The following ZNF385C variants were observed in gnomAD, a reference collection of about 807,000 sequenced individuals.
ZNF385C encodes zinc finger protein 385C, also known as CTD-2132N18.2.
ZNF385C carries 28 observed loss-of-function variants against 35.4 expected under a neutral mutation model. That is an observed-to-expected ratio of 0.79 (90% confidence interval 0.59 to 1.08). ZNF385C has a LOEUF of 1.08. ZNF385C is among the 50% of genes least tolerant of loss of function. ZNF385C has a pLI of 0.00. For missense variants in ZNF385C, 605 were observed against 595.6 expected, an observed-to-expected ratio of 1.02 and a Z score of -0.16; for synonymous variants, 248 against 248.2, an observed-to-expected ratio of 1.00 and a Z score of 0.01.
chr17:42,032,269 C>T (rs1316220791), intron 4 of ZNF385C, among the ~76,000 whole-genome samples: 1 of 152,228 alleles, frequency 6.6e-6, no homozygotes, highest in Non-Finnish European at 1.5e-5. Context: ...ACCATATTAG[C>T]CAGGATGGTC....
intron 1 of ZNF385C, among the ~76,000 whole-genome samples, chr17:42,068,040 T>C (rs2053573019): frequency 6.6e-6 from 1 of 152,002 alleles, no homozygotes; most frequent in African/African-American, 2.4e-5. Context: ...CTAATTGTGT[T>C]CCCCCCAGCC....
At chr17:42,097,306 C>A (rs782333829) in intron 1 of ZNF385C, among the ~76,000 whole-genome samples, 7 of 152,202 alleles carry the variant, frequency 4.6e-5, no homozygotes, top group South Asian at 2.1e-4. Context: ...CACTAGAGCA[C>A]ATGGCCTCCC....
Position 42,095,367 on chromosome 17 carries a change from C to T in ZNF385C, c.-3+3043G>A, listed in dbSNP as rs1487188058. Among the ~76,000 whole-genome samples the T allele has an allele frequency of 6.6e-6, 1 of 152,234 alleles. No homozygotes were observed. Among genetic ancestry groups the T allele is most frequent in the African/African-American group, 2.4e-5 (1 of 41,452 alleles). On this transcript the variant is annotated intron_variant, in intron 1 of 8. Coordinates refer to ENST00000692273, the MANE Select transcript of ZNF385C (RefSeq NM_001392013.1). The surrounding 1 kb of genome is among the most constrained non-coding windows in gnomAD (Gnocchi z 4.4). ...CTGTCCCAAGCCCAAACTCCAAACT[C>T]ATGGGAGAACCCACATGATAGACAC...
chr17:42,044,757 T>G (rs2053114718), intron 2 of ZNF385C, among the ~76,000 whole-genome samples: 1 of 152,174 alleles, frequency 6.6e-6, no homozygotes, highest in Non-Finnish European at 1.5e-5. Context: ...GGTACTGTGG[T>G]TCTGGGATGG....
rs1025011791 is a variant in ZNF385C at position 42,029,029 on chromosome 17, T to C, written c.721A>G (p.Thr241Ala). ...PLGPPLQPPPTPDPTCREPAH... is the reference protein window; with the variant it reads ...PLGPPLQPPPAPDPTCREPAH... ...GGCTCCCTGCATGTAGGGTCTGGAG[T>C]TGGTGGTGGCTGGAGTGGAGGCCCA... Residue 241 changes from threonine (T) to alanine (A), a missense_variant, in exon 6 of 9, where the codon ACT becomes GCT. Physicochemically the swap from Thr to Ala is moderately conservative, Grantham distance 58 (BLOSUM62 0). Coordinates refer to ENST00000692273, the MANE Select transcript of ZNF385C (RefSeq NM_001392013.1). 1.8e-5 allele frequency: 28 copies of C among 1,549,714 alleles called. No homozygotes were observed. In the African/African-American group the frequency reaches 3.8e-4, roughly 21 times the overall value.
intron 2 of ZNF385C, among the ~76,000 whole-genome samples, chr17:42,057,432 G>A (rs372148937): frequency 9.2e-5 from 14 of 152,206 alleles, no homozygotes; most frequent in East Asian, 3.9e-4. Flanking sequence ...AGGTTAGTGC[G>A]AGGGGACAGC....
At chr17:42,096,500 G>A (rs1405254830) in intron 1 of ZNF385C, among the ~76,000 whole-genome samples, 1 of 152,204 alleles carries the variant, frequency 6.6e-6, no homozygotes, top group African/African-American at 2.4e-5. Flanking sequence ...AGGTTTAAGG[G>A]TGCTACTGAA....
At chr17:42,078,099 C>G (rs1292567932) in intron 1 of ZNF385C, among the ~76,000 whole-genome samples, 1 of 152,190 alleles carries the variant, frequency 6.6e-6, no homozygotes, top group African/African-American at 2.4e-5. Flanking sequence ...ATGAGACAGG[C>G]ACTGGGAACA....
At chr17:42,072,681 GC>G (rs1253323830) in intron 1 of ZNF385C, among the ~76,000 whole-genome samples, 1 of 152,070 alleles carries the variant, frequency 6.6e-6, no homozygotes, top group East Asian at 1.9e-4. Flanking sequence ...CTCCGAGCCC[GC>G]CCCCGGGCGG....
At chr17:42,078,917 C>T (rs988518913) in intron 1 of ZNF385C, among the ~76,000 whole-genome samples, 1 of 152,112 alleles carries the variant, frequency 6.6e-6, no homozygotes, top group Non-Finnish European at 1.5e-5. Context: ...CGCCACTAAT[C>T]GTGTGACTGG....
intron 8 of ZNF385C, 64 bp downstream of exon 8, chr17:42,027,554 G>GGCCCCCCCCCCCCCCCCC: frequency 6.6e-5 from 37 of 556,860 alleles, no homozygotes; most frequent in East Asian, 2.1e-4. Flanking sequence ...CCCCCATCTG[G>GGCCCCCCCCCCCCCCCCC]CCCTCCCAGC....
rs1049879098 is a variant in ZNF385C at position 42,031,899 on chromosome 17, A to C, written c.511-115T>G. 36 of 1,183,130 alleles carry C rather than the reference A, an allele frequency of 3.0e-5. No individual in the cohort carries two copies. The Admixed American group carries it at 8.4e-4, about 28-fold the overall frequency. 73.3% of individuals were successfully genotyped at this position (1,183,130 alleles called of 1,614,324 possible). ...AGGGAGGCAGGGCTCAGGTCACACA[A>C]AGGGCAAGTCCTTGTCCTTGTCATC... On this transcript the variant is annotated intron_variant, in intron 4 of 8. Transcript: ENST00000692273.
At chr17:42,040,232 C>T in intron 2 of ZNF385C, 2 of 1,231,568 alleles carry the variant, frequency 1.6e-6, no homozygotes, top group Non-Finnish European at 2.0e-6. Flanking sequence ...TCCTGTAGGC[C>T]CTTCCGCATG....
At chr17:42,056,324 G>A (rs1216086209) in intron 2 of ZNF385C, among the ~76,000 whole-genome samples, 3 of 152,212 alleles carry the variant, frequency 2.0e-5, no homozygotes, top group Non-Finnish European at 4.4e-5. Context: ...CATGGGTCCC[G>A]AGCATTTGTG....
At chr17:42,040,015 C>T (rs1598184342) in intron 2 of ZNF385C, 3 of 1,231,038 alleles carry the variant, frequency 2.4e-6, no homozygotes, top group East Asian at 3.2e-5. Flanking sequence ...CGGGCCGAGC[C>T]GCCCAAGGCC....
At chr17:42,065,107 C>T (rs1378372198) in intron 1 of ZNF385C, 4 of 152,184 alleles carry the variant, frequency 2.6e-5, no homozygotes, top group Non-Finnish European at 5.9e-5. Flanking sequence ...TCACCTCAGC[C>T]TCCCAAAGCG....
Position 42,037,869 on chromosome 17 carries a change from G to C in ZNF385C, c.267C>G (p.Gly89=). ...GGGAGGCCAGCAGGGGGCTGGGGGC[G>C]CCGGAGGCCGGGCCTGCTGCAGGAG... ...SPSGPAGPAS[G]APSPLLASLP... is the part of the protein sequence containing the mutation. The change falls in exon 3 of 9, where the codon GGC becomes GGG. Residue 89 remains glycine (G), a synonymous_variant. Transcript: ENST00000692273. 1.3e-6 allele frequency: 2 copies of C among 1,521,420 alleles called. No homozygotes were observed. Among genetic ancestry groups the C allele is most frequent in the Non-Finnish European group, 1.8e-6 (2 of 1,131,316 alleles). 94.2% of individuals were successfully genotyped at this position (1,521,420 alleles called of 1,614,324 possible). A position where few individuals can be genotyped will look rare whatever the true frequency, so the allele number is the denominator to read the frequency against.
Position 42,073,430 on chromosome 17 carries a change from G to A in ZNF385C, c.-2-10372C>T, listed in dbSNP as rs114148820. Among the ~76,000 whole-genome samples the A allele has an allele frequency of 2.4e-3, 356 of 151,184 alleles. 1 individual carries two copies. Among genetic ancestry groups the A allele is most frequent in the African/African-American group, 8.2e-3 (339 of 41,180 alleles). On this transcript the variant is annotated intron_variant, in intron 1 of 8. Transcript: ENST00000692273. The stretch of plus-strand genomic sequence containing the variant: ...GCCTGGGTAAGAAAAGTGAAACTTC[G>A]TCTCAAAAAAAAAAAGGTTGTGGAC...
intron 2 of ZNF385C, among the ~76,000 whole-genome samples, chr17:42,044,400 T>G (rs1178949498): frequency 1.3e-5 from 2 of 150,686 alleles, no homozygotes; most frequent in Non-Finnish European, 2.9e-5. Context: ...GCAGGTCACC[T>G]GAGGTCAGGA....
Sources: gnomAD v4.1 joint callset for allele counts (sites outside exome capture counted in the v4.1 genomes callset) on GRCh38, gnomAD v4.1.1 for gene constraint, Gnocchi (gnomAD v3.1) non-coding constraint, MANE v1.5 for transcripts, NCBI Gene and HGNC (gene_info 2026-07-23, HGNC 2026-07-21) for gene names.